The following DPYD variants were observed in gnomAD, a reference collection of about 807,000 sequenced individuals.
The protein encoded by DPYD is dihydropyrimidine dehydrogenase [NADP(+)].
Under a neutral mutation model 116.2 loss-of-function variants are expected in DPYD, and 109 were observed. The observed-to-expected ratio is 0.94, with a 90% confidence interval of 0.80 to 1.10. The LOEUF (loss-of-function observed/expected upper bound fraction) is 1.10, where lower values mean the gene tolerates loss of function less well. DPYD is among the 50% of genes least tolerant of loss of function. DPYD has a pLI of 0.00. For missense variants in DPYD, 1,302 were observed against 1,254.5 expected (o/e 1.04, Z -0.57); for synonymous variants, 440 against 432.0 (o/e 1.02, Z -0.23).
chr1:97,625,390 T>A (rs1339103846), intron 8 of DPYD, among the ~76,000 whole-genome samples: 2 of 151,940 alleles, frequency 1.3e-5, no homozygotes, highest in African/African-American at 4.8e-5. Flanking sequence ...TAGAGTAGTA[T>A]CAGAGGCAAT....
At chr1:97,827,759 A>T (rs944255558) in intron 3 of DPYD, among the ~76,000 whole-genome samples, 1 of 152,178 alleles carries the variant, frequency 6.6e-6, no homozygotes, top group Non-Finnish European at 1.5e-5. Flanking sequence ...TTAGGAGGAA[A>T]TACTACTCAA....
At chr1:97,871,209 C>T (rs1213668148) in intron 2 of DPYD, among the ~76,000 whole-genome samples, 1 of 151,808 alleles carries the variant, frequency 6.6e-6, no homozygotes, top group African/African-American at 2.4e-5. Context: ...ACTTATTGAC[C>T]TATAATACAT....
chr1:97,654,360 T>G (rs557296765), intron 8 of DPYD, among the ~76,000 whole-genome samples: 1 of 152,244 alleles, frequency 6.6e-6, no homozygotes, highest in African/African-American at 2.4e-5. Context: ...TATCACTAAA[T>G]TCTTTAAGGA....
intron 13 of DPYD, among the ~76,000 whole-genome samples, chr1:97,501,690 C>T (rs957687039): frequency 2.6e-5 from 4 of 151,808 alleles, no homozygotes; most frequent in African/African-American, 9.7e-5. Flanking sequence ...AGTATGAGAC[C>T]CTGTCTCAAA....
At chr1:97,763,233 A>G (rs1665672398) in intron 3 of DPYD, among the ~76,000 whole-genome samples, 1 of 151,952 alleles carries the variant, frequency 6.6e-6, no homozygotes, top group African/African-American at 2.4e-5. Context: ...CCCATATTGT[A>G]TTCCTTTCTG....
intron 13 of DPYD, among the ~76,000 whole-genome samples, chr1:97,452,887 C>A (rs1184293768): frequency 2.6e-5 from 4 of 152,084 alleles, no homozygotes; most frequent in Non-Finnish European, 4.4e-5. Context: ...ACTTATTTTT[C>A]TTCATAAATT....
intron 14 of DPYD, among the ~76,000 whole-genome samples, chr1:97,416,687 G>C (rs1207080839): frequency 6.6e-6 from 1 of 152,102 alleles, no homozygotes; most frequent in Non-Finnish European, 1.5e-5. Flanking sequence ...GAAATCATTA[G>C]GGATCCATGA....
chr1:97,457,753 G>C (rs1003413513), intron 13 of DPYD, among the ~76,000 whole-genome samples: 1 of 152,160 alleles, frequency 6.6e-6, no homozygotes, highest in Non-Finnish European at 1.5e-5. Context: ...AAATAGAGTT[G>C]GGTCAGATTG....
intron 10 of DPYD, among the ~76,000 whole-genome samples, chr1:97,591,508 C>A (rs532839967): frequency 1.3e-5 from 2 of 152,006 alleles, no homozygotes; most frequent in East Asian, 3.9e-4. Flanking sequence ...AAATTCATAC[C>A]GCTACCCTCT....
intron 20 of DPYD, among the ~76,000 whole-genome samples, chr1:97,102,830 C>A (rs566343349): frequency 8.0e-4 from 121 of 152,000 alleles, no homozygotes; most frequent in Non-Finnish European, 1.1e-3. Flanking sequence ...GTCAAATATA[C>A]CTGGTTGTTG....
intron 16 of DPYD, among the ~76,000 whole-genome samples, chr1:97,324,336 G>A (rs748632673): frequency 6.6e-6 from 1 of 151,996 alleles, no homozygotes; most frequent in African/African-American, 2.4e-5. Flanking sequence ...TATTGCCTGG[G>A]TTATGGCATC....
Position 97,498,311 on chromosome 1 carries a change from C to T in DPYD, c.1740+17415G>A, listed in dbSNP as rs191200716. 1.8e-4 allele frequency among the ~76,000 whole-genome samples: 27 copies of T among 151,660 alleles called. No homozygotes were observed. The East Asian group carries it at 3.3e-3, about 19-fold the overall frequency. On this transcript the variant is annotated intron_variant, in intron 13 of 22. Transcript: ENST00000370192. The stretch of plus-strand genomic sequence containing the variant: ...TACACTTTAAAGAATGGATTTTATA[C>T]GTAAATTATAAAAACAAATAATTCT...
intron 13 of DPYD, among the ~76,000 whole-genome samples, chr1:97,464,962 C>T (rs1677233859): frequency 6.6e-6 from 1 of 152,172 alleles, no homozygotes; most frequent in African/African-American, 2.4e-5. Context: ...AGACACTCAA[C>T]ACCAGACCAT....
rs548647585 is a variant in DPYD, at chr1:97,518,292, A to G, written c.1525-2351T>C. Among the ~76,000 whole-genome samples the G allele has an allele frequency of 8.5e-4, 129 of 152,198 alleles. 3 individuals are homozygous for G. Among genetic ancestry groups the G allele is most frequent in the African/African-American group, 3.0e-3 (124 of 41,554 alleles). ...GCTACTATGTATATGTGTTTATAAT[A>G]TAATCTAAAATCTTCACTTGTCATA... On this transcript the variant is annotated intron_variant, in intron 12 of 22. Coordinates refer to ENST00000370192, the MANE Select transcript of DPYD (RefSeq NM_000110.4).
intron 15 of DPYD, among the ~76,000 whole-genome samples, chr1:97,380,061 T>A (rs1326821581): frequency 6.6e-6 from 1 of 152,216 alleles, no homozygotes; most frequent in African/African-American, 2.4e-5. Context: ...CTTTTTCACA[T>A]TAACTTTTAC....
intron 18 of DPYD, chr1:97,296,280 A>G (rs1009353840): frequency 2.0e-5 from 3 of 152,184 alleles, no homozygotes; most frequent in African/African-American, 7.2e-5. Flanking sequence ...GCAAGTCATC[A>G]AGTTGCTTAA....
intron 12 of DPYD, among the ~76,000 whole-genome samples, chr1:97,516,611 T>G (rs1325703813): frequency 6.6e-6 from 1 of 152,034 alleles, no homozygotes; most frequent in African/African-American, 2.4e-5. Context: ...CGACTGGCAC[T>G]CAAAACTGTA....
At chr1:97,351,627 A>AT (rs1407181758) in intron 16 of DPYD, among the ~76,000 whole-genome samples, 1 of 152,116 alleles carries the variant, frequency 6.6e-6, no homozygotes, top group Non-Finnish European at 1.5e-5. Flanking sequence ...TTGAGCTACT[A>AT]TCCCCAATCT....
chr1:97,126,478 G>A (rs1325003030), intron 20 of DPYD, among the ~76,000 whole-genome samples: 1 of 151,956 alleles, frequency 6.6e-6, no homozygotes, highest in Non-Finnish European at 1.5e-5. Flanking sequence ...ATGCCCCTCA[G>A]TCTATGCACG....
Sources: allele counts gnomAD v4.1 joint callset (sites outside exome capture counted in the v4.1 genomes callset), GRCh38; gene constraint gnomAD v4.1.1; transcripts MANE v1.5; gene names NCBI Gene and HGNC (gene_info 2026-07-23, HGNC 2026-07-21).